The following SPAG17 variants were observed in gnomAD, a reference collection of about 807,000 sequenced individuals.
SPAG17 encodes the protein sperm associated antigen 17, also known as sperm-associated antigen 17.
SPAG17 carries 169 observed loss-of-function variants against 273.6 expected under a neutral mutation model. The ratio of observed to expected loss-of-function variants is 0.62; its 90% CI spans 0.55 to 0.70. SPAG17 has a LOEUF of 0.70. SPAG17 is among the 30% of genes least tolerant of loss of function. SPAG17 has a pLI of 0.00. For synonymous variants in SPAG17, 825 were observed against 873.2 expected (o/e 0.94, Z 0.97); for missense variants, 2,557 against 2,627.8 (o/e 0.97, Z 0.59).
At chr1:118,159,004 T>C (rs1659785437) in intron 1 of SPAG17, among the ~76,000 whole-genome samples, 1 of 152,194 alleles carries the variant, frequency 6.6e-6, no homozygotes, top group Non-Finnish European at 1.5e-5. Context: ...ATTCAATAAA[T>C]GTTTCTTGAA....
At chr1:118,019,244 C>A (rs1179321589) in intron 28 of SPAG17, among the ~76,000 whole-genome samples, 5 of 151,816 alleles carry the variant, frequency 3.3e-5, no homozygotes, top group Non-Finnish European at 5.9e-5. Context: ...AAAATGCATA[C>A]TTTATGTGAT....
chr1:118,167,674 A>G (rs17037962), intron 1 of SPAG17, among the ~76,000 whole-genome samples: 3,113 of 152,318 alleles, frequency 0.02, 58 homozygotes, highest in East Asian at 0.063. Context: ...GATTTTAGAT[A>G]CAGGAGTAGA....
intron 4 of SPAG17, among the ~76,000 whole-genome samples, chr1:118,106,213 T>C (rs995600202): frequency 2.0e-5 from 3 of 152,218 alleles, no homozygotes. Flanking sequence ...TCATTGTCAC[T>C]ATTATTATCA....
intron 1 of SPAG17, among the ~76,000 whole-genome samples, chr1:118,182,382 G>A (rs1019010660): frequency 1.3e-5 from 2 of 152,066 alleles, no homozygotes; most frequent in African/African-American, 4.8e-5. Flanking sequence ...AGCCTGCCTT[G>A]ACCATTGCAT....
chr1:118,125,358 CACTT>C (rs1456630325), intron 3 of SPAG17, among the ~76,000 whole-genome samples: 2 of 151,990 alleles, frequency 1.3e-5, no homozygotes, highest in African/African-American at 4.8e-5. Context: ...TCACCTCAAA[CACTT>C]ATCATTTCTT....
rs1233682516 is a variant in SPAG17 at position 118,041,767 on chromosome 1, C to G, written c.3054+36G>C. The G allele has an allele frequency of 6.9e-6, 11 of 1,589,954 alleles. No homozygotes were observed. In the East Asian group the frequency reaches 2.5e-4, roughly 36 times the overall value. Reference sequence around the variant, plus strand: ...ATTTTCCCAAAACAATTAGGAATAGCCCAAAGAGACTAAGTTTTACAGAAT... The same window carrying G: ...ATTTTCCCAAAACAATTAGGAATAGGCCAAAGAGACTAAGTTTTACAGAAT... On this transcript the variant is annotated intron_variant, in intron 21 of 48. Transcript: ENST00000336338.
intron 3 of SPAG17, among the ~76,000 whole-genome samples, chr1:118,126,046 T>TG (rs1484923616): frequency 2.7e-5 from 4 of 149,350 alleles, no homozygotes; most frequent in South Asian, 2.1e-4. Context: ...ATTTTCTGTT[T>TG]TTTTTTTTTT....
intron 46 of SPAG17, 132 bp downstream of exon 46, chr1:117,969,924 T>C: frequency 1.3e-6 from 1 of 771,630 alleles, no homozygotes; most frequent in East Asian, 2.8e-5. Context: ...GCTTATGATA[T>C]TAAAAACAGT....
intron 28 of SPAG17, among the ~76,000 whole-genome samples, chr1:118,021,511 A>G (rs192135863): frequency 6.6e-6 from 1 of 152,312 alleles, no homozygotes; most frequent in Admixed American, 6.5e-5. Flanking sequence ...AGAATGTACA[A>G]CACCAAGAGT....
chr1:118,159,757 C>T (rs923508337), intron 1 of SPAG17, among the ~76,000 whole-genome samples: 1 of 152,060 alleles, frequency 6.6e-6, no homozygotes, highest in South Asian at 2.1e-4. Flanking sequence ...GAGCTTAATT[C>T]GGTTTTGCTC....
At position 117,996,760 on chromosome 1, in the gene SPAG17, G is replaced by T; in HGVS notation, c.4777-17C>A. Reference sequence around the variant, plus strand: ...AGCCATGACCTAAGGGATAAAGTATGTAAGCAACTAAAAGAAAAGAAAGTC... The same window carrying T: ...AGCCATGACCTAAGGGATAAAGTATTTAAGCAACTAAAAGAAAAGAAAGTC... On this transcript the variant is annotated splice_polypyrimidine_tract_variant and intron_variant, in intron 32 of 48. Transcript: ENST00000336338. 1 of 1,575,746 alleles carries T rather than the reference G, an allele frequency of 6.3e-7. No homozygotes were observed. The highest frequency in any genetic ancestry group is 2.2e-5 in the East Asian group (1 of 44,544).
At chr1:118,123,059 G>A (rs1657510160) in intron 3 of SPAG17, among the ~76,000 whole-genome samples, 1 of 152,128 alleles carries the variant, frequency 6.6e-6, no homozygotes, top group Admixed American at 6.6e-5. Context: ...TTTTATTTTG[G>A]TGCAGTGTAT....
chr1:118,007,031 C>T (rs145329965), intron 31 of SPAG17, among the ~76,000 whole-genome samples: 51 of 152,012 alleles, frequency 3.4e-4, no homozygotes, highest in African/African-American at 1.2e-3. Flanking sequence ...ATATGATTTT[C>T]AAATAACATC....
At chr1:118,062,349 A>G (rs1333883052) in intron 18 of SPAG17, among the ~76,000 whole-genome samples, 2 of 104,178 alleles carry the variant, frequency 1.9e-5, no homozygotes, top group African/African-American at 4.2e-5. Flanking sequence ...CCTGGGCGAC[A>G]GAGCGAGACT....
chr1:118,049,007 C>T (rs1235568399), intron 20 of SPAG17, among the ~76,000 whole-genome samples: 1 of 152,060 alleles, frequency 6.6e-6, no homozygotes, highest in Non-Finnish European at 1.5e-5. Context: ...TAGAAGCATA[C>T]AACTTACCAA....
chr1:118,161,149 T>C (rs796067356), intron 1 of SPAG17, among the ~76,000 whole-genome samples: 17 of 152,340 alleles, frequency 1.1e-4, no homozygotes, highest in African/African-American at 4.1e-4. Flanking sequence ...CAAACAATGC[T>C]TGTATCATGA....
rs201429151 is a variant in SPAG17, at chr1:117,966,666, A to T, written c.6475T>A (p.Ser2159Thr). 1.1e-4 allele frequency: 175 copies of T among 1,613,772 alleles called. 1 individual carries two copies. The highest frequency in any genetic ancestry group is 1.3e-4 in the Non-Finnish European group (154 of 1,179,938). ...TCTGTCATAATCTCGATATTGTGAG[A>T]GATGTGTGCTGATCCCTTGGCCCCA... ...EDGAKGSAHI[S>T]HNIEIMTEHE... The change falls in exon 47 of 49, where the codon TCT becomes ACT. Residue 2159 changes from serine (S) to threonine (T), a missense_variant. Ser to Thr is a moderately conservative substitution (Grantham distance 58). Coordinates refer to ENST00000336338, the MANE Select transcript of SPAG17 (RefSeq NM_206996.4).
chr1:118,073,227 T>C (rs556055935), intron 17 of SPAG17, among the ~76,000 whole-genome samples: 2 of 152,312 alleles, frequency 1.3e-5, no homozygotes, highest in African/African-American at 4.8e-5. Context: ...GAGTACAAGT[T>C]CCAGGGCCAG....
In SPAG17 at chr1:118,151,235, G is replaced by A; in HGVS notation, c.222C>T (p.Leu74=). 2 of 1,579,906 alleles carry A rather than the reference G, an allele frequency of 1.3e-6. No homozygotes were observed. The highest frequency in any genetic ancestry group is 1.7e-5 in the Admixed American group (1 of 58,656). The change falls in exon 2 of 49, where the codon CTC becomes CTT. Residue 74 remains leucine (L), a synonymous_variant. Transcript: ENST00000336338. ...GGTAGGAAGGGACAGGTACCTGCTG[G>A]AGAATGTCTTGCCACGACACCATAC... ...LFSMVSWQDI[L]QQINEINTLV...
Sources: allele counts gnomAD v4.1 joint callset (sites outside exome capture counted in the v4.1 genomes callset), GRCh38; gene constraint gnomAD v4.1.1; transcripts MANE v1.5; gene names NCBI Gene and HGNC (gene_info 2026-07-23, HGNC 2026-07-21).